Variants in LSAMP observed in about 807,000 individuals in gnomAD.
LSAMP encodes limbic system-associated membrane protein.
A neutral mutation model predicts 38.6 loss-of-function variants in LSAMP; 7 were observed. The ratio of observed to expected loss-of-function variants is 0.18; its 90% confidence interval spans 0.10 to 0.34. The LOEUF (loss-of-function observed/expected upper bound fraction) is 0.34. Ranked by LOEUF, LSAMP falls within the 10% of genes least tolerant of loss-of-function variation. LSAMP has a pLI of 1.00. For missense variants in LSAMP, 313 were observed against 420.0 expected (o/e 0.75, Z 2.23); for synonymous variants, 154 against 166.8 (o/e 0.92, Z 0.59).
chr3:115,881,630 C>A (rs1936326195), intron 3 of LSAMP, among the ~76,000 whole-genome samples: 1 of 152,122 alleles, frequency 6.6e-6, no homozygotes, highest in African/African-American at 2.4e-5. Flanking sequence ...TATTCACTTG[C>A]TACTTAAGTG....
intron 1 of LSAMP, among the ~76,000 whole-genome samples, chr3:116,112,786 C>T (rs915191105): frequency 3.9e-5 from 6 of 152,164 alleles, no homozygotes; most frequent in African/African-American, 1.4e-4. Context: ...CCCAGGGAAA[C>T]TTCTCACAAA....
At chr3:116,089,661 A>T (rs1386772535) in intron 1 of LSAMP, among the ~76,000 whole-genome samples, 2 of 152,106 alleles carry the variant, frequency 1.3e-5, no homozygotes, top group East Asian at 1.9e-4. Flanking sequence ...CCGGCCTAGA[A>T]TACACATACT....
intron 1 of LSAMP, among the ~76,000 whole-genome samples, chr3:116,131,136 G>T (rs1324200840): frequency 6.6e-6 from 1 of 151,768 alleles, no homozygotes; most frequent in Non-Finnish European, 1.5e-5. Flanking sequence ...GACTACAGGC[G>T]CCCTCCACCT....
chr3:116,262,977 A>AT, intron 1 of LSAMP, among the ~76,000 whole-genome samples: 2 of 152,078 alleles, frequency 1.3e-5, no homozygotes, highest in East Asian at 3.9e-4. Context: ...AAAAATCTTA[A>AT]TTTTTCGGCT....
At chr3:115,996,658 C>A (rs1426183862) in intron 3 of LSAMP, among the ~76,000 whole-genome samples, 1 of 151,974 alleles carries the variant, frequency 6.6e-6, no homozygotes, top group East Asian at 1.9e-4. Flanking sequence ...AAAAAAACAA[C>A]AATTTTTTTC....
At chr3:116,406,393 G>C (rs2048897882) in intron 1 of LSAMP, among the ~76,000 whole-genome samples, 1 of 151,990 alleles carries the variant, frequency 6.6e-6, no homozygotes, top group South Asian at 2.1e-4. Context: ...TCATCAAAGA[G>C]TTTAAATTTT....
intron 1 of LSAMP, among the ~76,000 whole-genome samples, chr3:116,267,201 A>G (rs1159063919): frequency 6.6e-6 from 1 of 152,118 alleles, no homozygotes; most frequent in East Asian, 1.9e-4. Context: ...AATATAAGAG[A>G]TGCTCATTTA....
rs757773118 is a variant in LSAMP at position 115,869,545 on chromosome 3, ATAAAT to A, written c.515-16933_515-16929del. Reference sequence around the variant, plus strand: ...TTATATTGATAACAATTAATTAGTAATAAATTAAATTTGCTCTTACCATTAATATT... The same window carrying A: ...TTATATTGATAACAATTAATTAGTAATAAATTTGCTCTTACCATTAATATT... On this transcript the variant is annotated intron_variant, in intron 3 of 6. Coordinates refer to ENST00000490035, the MANE Select transcript of LSAMP (RefSeq NM_002338.5). Among the ~76,000 whole-genome samples, 6 of 152,182 alleles carry A rather than the reference ATAAAT, an allele frequency of 3.9e-5. No individual in the cohort carries two copies. In the South Asian group the frequency reaches 8.3e-4, roughly 21 times the overall value.
chr3:116,150,811 G>A (rs1709593213), intron 1 of LSAMP, among the ~76,000 whole-genome samples: 2 of 152,082 alleles, frequency 1.3e-5, no homozygotes, highest in African/African-American at 4.8e-5. Flanking sequence ...TTATGAGGAT[G>A]TAATGGCATA....
Position 115,810,301 on chromosome 3 carries a change from T to C in LSAMP, c.*16A>G. ...TTTTTGTGTGTTTTTTAAATTATTT[T>C]TAAATTTTTATTCTATTAACATTTG... On this transcript the variant is annotated 3_prime_UTR_variant, in exon 7 of 7. Transcript: ENST00000490035. 6.5e-7 allele frequency: 1 copy of C among 1,547,340 alleles called. No individual in the cohort carries two copies. The highest frequency in any genetic ancestry group is 8.8e-7 in the Non-Finnish European group (1 of 1,138,122).
At chr3:115,967,139 T>C (rs1444451610) in intron 3 of LSAMP, among the ~76,000 whole-genome samples, 2 of 152,202 alleles carry the variant, frequency 1.3e-5, no homozygotes, top group Non-Finnish European at 2.9e-5. Flanking sequence ...TGTTTCCCTT[T>C]TAAAACCAAG....
intron 1 of LSAMP, among the ~76,000 whole-genome samples, chr3:116,219,887 A>C (rs527444867): frequency 2.2e-4 from 34 of 152,344 alleles, no homozygotes; most frequent in African/African-American, 8.2e-4. Context: ...AATCAAAATC[A>C]CAATGAGCCG....
chr3:116,155,276 G>A (rs1293011936), intron 1 of LSAMP, among the ~76,000 whole-genome samples: 5 of 152,036 alleles, frequency 3.3e-5, no homozygotes, highest in Non-Finnish European at 5.9e-5. Context: ...CCAGGCTGGA[G>A]TGCAATGGCA....
chr3:116,103,618 G>A (rs1708398554), intron 1 of LSAMP, among the ~76,000 whole-genome samples: 1 of 140,140 alleles, frequency 7.1e-6, no homozygotes, highest in Non-Finnish European at 1.5e-5. Context: ...GTAAGAAAAT[G>A]GCTTATTTAT....
intron 1 of LSAMP, among the ~76,000 whole-genome samples, chr3:116,290,475 T>C (rs1350535360): frequency 6.6e-6 from 1 of 152,048 alleles, no homozygotes; most frequent in East Asian, 1.9e-4. Context: ...CTCACGTCTG[T>C]AATCCCAGCA....
At chr3:116,352,418 G>T (rs1438915609) in intron 1 of LSAMP, among the ~76,000 whole-genome samples, 1 of 152,066 alleles carries the variant, frequency 6.6e-6, no homozygotes, top group Admixed American at 6.6e-5. Flanking sequence ...AGTGCAAAGA[G>T]AAACTGAAGG....
intron 1 of LSAMP, among the ~76,000 whole-genome samples, chr3:116,351,061 C>T (rs1036556230): frequency 6.6e-6 from 1 of 151,684 alleles, no homozygotes; most frequent in Non-Finnish European, 1.5e-5. Context: ...ATCCTCGGTA[C>T]TTTTTGTAAA....
intron 1 of LSAMP, among the ~76,000 whole-genome samples, chr3:116,146,714 G>T (rs1006049232): frequency 5.3e-5 from 8 of 151,862 alleles, no homozygotes; most frequent in African/African-American, 1.9e-4. Context: ...GGATAATGAG[G>T]TGATTATCAG....
intron 1 of LSAMP, among the ~76,000 whole-genome samples, chr3:116,412,676 A>G (rs575926048): frequency 6.7e-4 from 102 of 152,118 alleles, no homozygotes; most frequent in African/African-American, 2.3e-3. Context: ...CTAATCCCCA[A>G]ATTCTTTTAA....
Sources: gnomAD v4.1 joint callset for allele counts (sites outside exome capture counted in the v4.1 genomes callset) on GRCh38, gnomAD v4.1.1 for gene constraint, MANE v1.5 for transcripts, NCBI Gene and HGNC (gene_info 2026-07-23, HGNC 2026-07-21) for gene names.